Variants in ITGA8 observed in about 807,000 individuals in gnomAD.
The protein encoded by ITGA8 is integrin alpha-8.
Under a neutral mutation model 142.3 loss-of-function variants are expected in ITGA8, and 91 were observed. The observed-to-expected ratio is 0.64, with a 90% CI of 0.54 to 0.76. ITGA8 has a LOEUF of 0.76. Ranked by LOEUF, ITGA8 falls within the 30% of genes least tolerant of loss-of-function variation. The pLI is 0.00. For missense variants in ITGA8, 1,406 were observed against 1,327.7 expected, an observed-to-expected ratio of 1.06 and a Z score of -0.92; for synonymous variants, 505 against 485.2, an observed-to-expected ratio of 1.04 and a Z score of -0.54.
chr10:15,710,870 G>A (rs554061292), intron 2 of ITGA8, among the ~76,000 whole-genome samples: 2 of 152,304 alleles, frequency 1.3e-5, no homozygotes, highest in South Asian at 4.1e-4. Flanking sequence ...TCCTGTTGCA[G>A]TGGTGTGTGC....
At chr10:15,719,351 A>C (rs1173130743) in intron 1 of ITGA8, among the ~76,000 whole-genome samples, 1 of 152,166 alleles carries the variant, frequency 6.6e-6, no homozygotes, top group Admixed American at 6.5e-5. Flanking sequence ...TGCGTGTTCT[A>C]TGCAAGTGGC....
chr10:15,653,283 G>T (rs1366533215), intron 11 of ITGA8, among the ~76,000 whole-genome samples: 2 of 152,162 alleles, frequency 1.3e-5, no homozygotes. Context: ...CCCAGTTGGG[G>T]ATTGTATCCC....
rs185023101 is a variant in ITGA8, at chr10:15,674,510, C to T, written c.677-1761G>A. 1.1e-4 allele frequency among the ~76,000 whole-genome samples: 17 copies of T among 152,152 alleles called. No individual in the cohort carries two copies. The South Asian group carries it at 2.1e-3, about 19-fold the overall frequency. ...CGTAAATATAATTTTAATTTTGTAG[C>T]CATCTGTTGTGCAAAATATATAGTT... On this transcript the variant is annotated intron_variant, in intron 6 of 29. Coordinates refer to ENST00000378076, the MANE Select transcript of ITGA8 (RefSeq NM_003638.3).
chr10:15,547,028 A>T (rs1197697536), intron 27 of ITGA8, among the ~76,000 whole-genome samples: 2 of 152,158 alleles, frequency 1.3e-5, no homozygotes. Context: ...GGGATAAAAA[A>T]ATTCTATATT....
intron 3 of ITGA8, among the ~76,000 whole-genome samples, chr10:15,687,258 AT>A (rs1834848571): frequency 6.6e-6 from 1 of 152,122 alleles, no homozygotes; most frequent in African/African-American, 2.4e-5. Context: ...AGCCAAAGTT[AT>A]TGCTTTATTG....
rs1220339151 is a variant in ITGA8 at position 15,644,461 on chromosome 10, T to C, written c.1208-240A>G. Among the ~76,000 whole-genome samples the C allele has an allele frequency of 3.7e-3, 89 of 24,000 alleles. 8 individuals carry two copies. The East Asian group carries it at 0.1, about 27-fold the overall frequency. 15.7% of individuals were successfully genotyped at this position (24,000 alleles called of 152,430 possible). On this transcript the variant is annotated intron_variant, in intron 12 of 29. Coordinates refer to ENST00000378076, the MANE Select transcript of ITGA8 (RefSeq NM_003638.3). Reference sequence around the variant, plus strand: ...ATATATATATATATATATATATATATATATATATATATATATATATATATA... The same window carrying C: ...ATATATATATATATATATATATATACATATATATATATATATATATATATA...
intron 4 of ITGA8, among the ~76,000 whole-genome samples, chr10:15,682,750 C>G (rs1487409677): frequency 6.6e-6 from 1 of 151,032 alleles, no homozygotes; most frequent in African/African-American, 2.4e-5. Flanking sequence ...ACTTGGCAGG[C>G]TGAGGTGGGA....
chr10:15,563,598 A>G (rs1442134589), intron 25 of ITGA8, among the ~76,000 whole-genome samples: 3 of 152,186 alleles, frequency 2.0e-5, no homozygotes, highest in Admixed American at 6.5e-5. Context: ...AGTAAGCAGT[A>G]ATAGTAGTGG....
chr10:15,702,807 A>G (rs891432174), intron 2 of ITGA8, among the ~76,000 whole-genome samples: 1 of 152,234 alleles, frequency 6.6e-6, no homozygotes, highest in Non-Finnish European at 1.5e-5. Flanking sequence ...CTATCTTTTC[A>G]AATTGAAATT....
chr10:15,568,981 T>C (rs939850360), intron 25 of ITGA8, among the ~76,000 whole-genome samples: 8 of 152,322 alleles, frequency 5.3e-5, no homozygotes, highest in African/African-American at 1.7e-4. Context: ...CCCTGGAGTG[T>C]GTGACCTCTA....
intron 22 of ITGA8, among the ~76,000 whole-genome samples, chr10:15,591,969 A>G (rs971188379): frequency 6.6e-6 from 1 of 152,200 alleles, no homozygotes; most frequent in African/African-American, 2.4e-5. Flanking sequence ...GAAGTAAAGC[A>G]GGTGGGAGGG....
chr10:15,667,158 T>C (rs917999743), intron 8 of ITGA8, among the ~76,000 whole-genome samples: 1 of 152,208 alleles, frequency 6.6e-6, no homozygotes, highest in African/African-American at 2.4e-5. Flanking sequence ...TGGAATTTTT[T>C]TGGTTGGTAA....
intron 11 of ITGA8, among the ~76,000 whole-genome samples, chr10:15,652,797 GAGT>G (rs1291037987): frequency 6.6e-5 from 10 of 152,258 alleles, no homozygotes; most frequent in African/African-American, 2.4e-4. Context: ...TGCTCATACA[GAGT>G]CATTCCACTG....
Position 15,541,388 on chromosome 10 carries a change from C to T in ITGA8, c.2880+7067G>A, listed in dbSNP as rs143197858. 5.7e-3 allele frequency among the ~76,000 whole-genome samples: 866 copies of T among 152,302 alleles called. 6 individuals carry two copies. The highest frequency in any genetic ancestry group is 0.017 in the Middle Eastern group (5 of 294). On this transcript the variant is annotated intron_variant, in intron 27 of 29. Coordinates refer to ENST00000378076, the MANE Select transcript of ITGA8 (RefSeq NM_003638.3). ...AAACGAAGCCATCAAGGTGGTATTT[C>T]CAGAGACCCCAGAGAAAGGCATCAA...
intron 16 of ITGA8, 121 bp from the exon 17 acceptor site, chr10:15,607,952 A>G (rs1235974207): frequency 1.2e-6 from 1 of 823,488 alleles, no homozygotes; most frequent in Non-Finnish European, 1.9e-6. Flanking sequence ...GTTGAGACCA[A>G]GCATGATAAA....
At chr10:15,675,922 A>G (rs1024487805) in intron 6 of ITGA8, among the ~76,000 whole-genome samples, 8 of 152,348 alleles carry the variant, frequency 5.3e-5, no homozygotes, top group African/African-American at 1.9e-4. Flanking sequence ...AATTTTCAGC[A>G]AATCATTTGT....
intron 20 of ITGA8, among the ~76,000 whole-genome samples, chr10:15,599,807 G>A (rs767458150): frequency 5.3e-5 from 8 of 152,174 alleles, no homozygotes; most frequent in Non-Finnish European, 8.8e-5. Context: ...TGTAATCCCA[G>A]CTACTAGGGA....
At chr10:15,680,077 G>C (rs1351036294) in intron 4 of ITGA8, among the ~76,000 whole-genome samples, 3 of 152,150 alleles carry the variant, frequency 2.0e-5, no homozygotes, top group Admixed American at 2.0e-4. Flanking sequence ...TTGATGACTG[G>C]GCATGCGCCT....
chr10:15,568,777 T>C (rs1449809205), intron 25 of ITGA8, among the ~76,000 whole-genome samples: 1 of 152,194 alleles, frequency 6.6e-6, no homozygotes, highest in Non-Finnish European at 1.5e-5. Context: ...AAAATAACAA[T>C]GTCCAGGACT....
Sources: gnomAD v4.1 joint callset for allele counts (sites outside exome capture counted in the v4.1 genomes callset) on GRCh38, gnomAD v4.1.1 for gene constraint, MANE v1.5 for transcripts, NCBI Gene and HGNC (gene_info 2026-07-23, HGNC 2026-07-21) for gene names.